Variants in PYROXD2 observed in about 807,000 individuals in gnomAD.
The protein encoded by PYROXD2 is pyridine nucleotide-disulfide oxidoreductase domain-containing protein 2.
PYROXD2 carries 69 observed loss-of-function variants against 71.1 expected under a neutral mutation model. That is an observed-to-expected ratio of 0.97 (90% CI 0.80 to 1.19). The LOEUF is 1.19. PYROXD2 is among the 50% of genes most tolerant of loss of function. PYROXD2 has a pLI of 0.00. For synonymous variants in PYROXD2, 287 were observed against 302.7 expected (o/e 0.95, Z 0.54); for missense variants, 745 against 748.9 (o/e 0.99, Z 0.06).
intron 13 of PYROXD2, chr10:98,388,058 C>G (rs1842815331): frequency 1.5e-5 from 5 of 343,584 alleles, no homozygotes; most frequent in Non-Finnish European, 2.7e-5. Flanking sequence ...GCTCATGCGT[C>G]TCCTTTGGTT....
At chr10:98,387,162 G>T in intron 14 of PYROXD2, 39 bp downstream of exon 14, 1 of 1,464,484 alleles carries the variant, frequency 6.8e-7, no homozygotes, top group Non-Finnish European at 9.5e-7. Flanking sequence ...GGGTGCAGAG[G>T]GAAGGCTATG....
chr10:98,411,436 G>A (rs568334108), intron 1 of PYROXD2: 39 of 163,002 alleles, frequency 2.4e-4, no homozygotes, highest in Non-Finnish European at 4.4e-4. Context: ...GGCTTGTTTT[G>A]TCCACGTGTG....
chr10:98,405,691 C>T (rs532923453), intron 4 of PYROXD2, among the ~76,000 whole-genome samples: 14 of 152,322 alleles, frequency 9.2e-5, no homozygotes, highest in South Asian at 8.3e-4. Context: ...GTGCACACTG[C>T]GCTGGAGCTG....
At chr10:98,399,987 G>T in intron 5 of PYROXD2, 115 bp downstream of exon 5, 1 of 1,287,470 alleles carries the variant, frequency 7.8e-7, no homozygotes. Context: ...TAGGAACGTG[G>T]GGTGGCCTGG....
At chr10:98,412,454 G>C (rs185195493) in intron 1 of PYROXD2, among the ~76,000 whole-genome samples, 7 of 152,326 alleles carry the variant, frequency 4.6e-5, no homozygotes, top group South Asian at 2.1e-4. Flanking sequence ...GCCTGCATCA[G>C]GCAGTGTTGG....
At chr10:98,414,829 G>C in intron 1 of PYROXD2, 180 bp downstream of exon 1, 1 of 879,748 alleles carries the variant, frequency 1.1e-6, no homozygotes, top group Non-Finnish European at 1.6e-6. Context: ...AATCCCAGGT[G>C]CCTGCCTGCC....
chr10:98,405,047 CA>C (rs1843548876), intron 4 of PYROXD2, among the ~76,000 whole-genome samples: 1 of 152,204 alleles, frequency 6.6e-6, no homozygotes, highest in South Asian at 2.1e-4. Context: ...AAGGCTGGCC[CA>C]GGGGGAGATG....
rs372522023 is a variant in PYROXD2 at position 98,406,935 on chromosome 10, G to A, written c.315+647C>T. On this transcript the variant is annotated intron_variant, in intron 4 of 15. Transcript: ENST00000370575. ...AAAGATGGCACCAACGTGAGTGGCA[G>A]CTGCAGATAGCACCAAGAACCCTTT... Among the ~76,000 whole-genome samples the A allele has an allele frequency of 2.2e-4, 33 of 150,902 alleles. No homozygotes were observed. The East Asian group carries it at 4.5e-3, about 21-fold the overall frequency.
intron 4 of PYROXD2, among the ~76,000 whole-genome samples, chr10:98,403,291 C>G (rs376640643): frequency 6.6e-6 from 1 of 152,208 alleles, no homozygotes; most frequent in Non-Finnish European, 1.5e-5. Flanking sequence ...CCTTGACATC[C>G]CATCCGCTGC....
intron 2 of PYROXD2, 33 bp downstream of exon 2, chr10:98,410,906 C>T: frequency 6.4e-7 from 1 of 1,559,492 alleles, no homozygotes. Context: ...CGCCCAGGGC[C>T]AGTGAAGTGG....
At position 98,390,593 on chromosome 10, in the gene PYROXD2, C is replaced by G; in HGVS notation, c.1292+5G>C. On this transcript the variant is annotated splice_donor_5th_base_variant and intron_variant, in intron 12 of 15. Transcript: ENST00000370575. Reference sequence around the variant, plus strand: ...ATCAGGGAACATAAAGTCCAGGGCCCCTACCTGTGGGAAGGCAGGCCATCC... The same window carrying G: ...ATCAGGGAACATAAAGTCCAGGGCCGCTACCTGTGGGAAGGCAGGCCATCC... 6.3e-7 allele frequency: 1 copy of G among 1,583,728 alleles called. No homozygotes were observed. The highest frequency in any genetic ancestry group is 8.6e-7 in the Non-Finnish European group (1 of 1,164,836).
At position 98,393,042 on chromosome 10, in the gene PYROXD2, A is replaced by G. The variant is rs1843003340; in HGVS notation, c.827T>C (p.Met276Thr). 1 of 1,599,342 alleles carries G rather than the reference A, an allele frequency of 6.3e-7. No homozygotes were observed. The highest frequency in any genetic ancestry group is 8.5e-7 in the Non-Finnish European group (1 of 1,172,076). The change falls in exon 9 of 16, where the codon ATG becomes ACG. Residue 276 changes from methionine to threonine, a missense_variant. Met to Thr is a moderately conservative substitution (Grantham distance 81). Coordinates refer to ENST00000370575, the MANE Select transcript of PYROXD2 (RefSeq NM_032709.3). ...LHHVMGGLEG[M>T]QGAWGYVQGG... ...CTGGACGTAGCCCCAGGCCCCCTGC[A>G]TTCCCTCCAGGCCCCCCATCACATG...
chr10:98,406,682 AG>A (rs1366179929), intron 4 of PYROXD2, among the ~76,000 whole-genome samples: 1 of 151,970 alleles, frequency 6.6e-6, no homozygotes, highest in Non-Finnish European at 1.5e-5. Context: ...TCACGAGATC[AG>A]GAGATCAAGA....
rs748713624 is a variant in PYROXD2 at position 98,391,035 on chromosome 10, G to A, written c.1110C>T (p.Thr370=). The change falls in exon 11 of 16, where the codon ACC becomes ACT. Residue 370 remains threonine (T), a synonymous_variant. Coordinates refer to ENST00000370575, the MANE Select transcript of PYROXD2 (RefSeq NM_032709.3). ...EFLERISQLD[T]RSPVTKINVA... is the part of the protein sequence containing the mutation. ...CATTGATCTTGGTGACAGGCGACCG[G>A]GTGTCCAGCTGAGAGATTCTCTCCA... The A allele has an allele frequency of 3.7e-6, 6 of 1,613,264 alleles. No individual in the cohort carries two copies. The East Asian group carries it at 1.3e-4, about 36-fold the overall frequency.
chr10:98,404,085 T>G (rs1843512469), intron 4 of PYROXD2, among the ~76,000 whole-genome samples: 1 of 152,262 alleles, frequency 6.6e-6, no homozygotes, highest in African/African-American at 2.4e-5. Context: ...AGCTGCCTCC[T>G]TAAATACTTT....
intron 2 of PYROXD2, 123 bp from the exon 3 acceptor site, chr10:98,408,120 C>T: frequency 2.6e-6 from 2 of 783,404 alleles, no homozygotes; most frequent in Non-Finnish European, 4.0e-6. Flanking sequence ...CCCATGGCCT[C>T]CCTGCCCCGC....
chr10:98,402,613 G>C (rs1350634018), intron 4 of PYROXD2, among the ~76,000 whole-genome samples: 1 of 152,238 alleles, frequency 6.6e-6, no homozygotes, highest in Non-Finnish European at 1.5e-5. Context: ...AAAGGGGCCT[G>C]TGCCGCCTCC....
chr10:98,414,567 T>A (rs1169918259), intron 1 of PYROXD2, among the ~76,000 whole-genome samples: 1 of 152,114 alleles, frequency 6.6e-6, no homozygotes, highest in Non-Finnish European at 1.5e-5. Flanking sequence ...GTGGCCTCAG[T>A]GGTAAGGTAG....
At chr10:98,390,103 G>A (rs925147489) in intron 12 of PYROXD2, among the ~76,000 whole-genome samples, 3 of 152,174 alleles carry the variant, frequency 2.0e-5, no homozygotes, top group East Asian at 1.9e-4. Context: ...GCTGGACAGC[G>A]GACAGGATGG....
Sources: allele counts gnomAD v4.1 joint callset (sites outside exome capture counted in the v4.1 genomes callset), GRCh38; gene constraint gnomAD v4.1.1; transcripts MANE v1.5; gene names NCBI Gene and HGNC (gene_info 2026-07-23, HGNC 2026-07-21).